ASPSCR1: variants seen among roughly 807,000 people sequenced by gnomAD.
The protein encoded by ASPSCR1 is ASPSCR1 tether for SLC2A4, UBX domain containing, also known as tether containing UBX domain for GLUT4.
A neutral mutation model predicts 68.9 loss-of-function variants in ASPSCR1; 55 were observed. The observed-to-expected ratio is 0.80, with a 90% CI of 0.64 to 1.00. The LOEUF is 1.00. Among genes scored for constraint, ASPSCR1 ranks in the 50% least tolerant of loss-of-function variants. ASPSCR1 has a pLI of 0.00. For missense variants in ASPSCR1, 765 were observed against 762.2 expected, an observed-to-expected ratio of 1.00 and a Z score of -0.04; for synonymous variants, 352 against 332.6, an observed-to-expected ratio of 1.06 and a Z score of -0.63.
intron 4 of ASPSCR1, among the ~76,000 whole-genome samples, chr17:81,988,275 A>G (rs1201793248): frequency 6.6e-6 from 1 of 152,048 alleles, no homozygotes; most frequent in Non-Finnish European, 1.5e-5. Context: ...AGCCTGGCCA[A>G]CATGGTGAAA....
At chr17:82,001,980 C>A (rs1387769777) in intron 7 of ASPSCR1, among the ~76,000 whole-genome samples, 1 of 139,976 alleles carries the variant, frequency 7.1e-6, no homozygotes, top group Non-Finnish European at 1.6e-5. Context: ...TCTTATTTTT[C>A]TTTTCTTTTT....
At chr17:82,016,600 G>T (rs773931593) in intron 13 of ASPSCR1, 73 bp downstream of exon 13, 2 of 1,537,470 alleles carry the variant, frequency 1.3e-6, no homozygotes, top group Non-Finnish European at 1.8e-6. Flanking sequence ...CAGCTGCCCG[G>T]GAGGGCGTTC....
rs912935330 is a variant in ASPSCR1, at chr17:81,990,441, C to T, written c.375-4380C>T. 3.3e-5 allele frequency among the ~76,000 whole-genome samples: 5 copies of T among 152,092 alleles called. No individual in the cohort carries two copies. The highest frequency in any genetic ancestry group is 1.2e-4 in the African/African-American group (5 of 41,398). Reference sequence around the variant, plus strand: ...CACAGAGGGGTGTGAACAGCCACGCCGAGCTCTGGGGGACACTGCTCTCCG... The same window carrying T: ...CACAGAGGGGTGTGAACAGCCACGCTGAGCTCTGGGGGACACTGCTCTCCG... On this transcript the variant is annotated intron_variant, in intron 4 of 15. Coordinates refer to ENST00000306739, the MANE Select transcript of ASPSCR1 (RefSeq NM_024083.4). The surrounding 1 kb of genome is among the most constrained non-coding windows in gnomAD (Gnocchi z 4.1).
At chr17:82,013,875 C>T (rs1418145442) in intron 12 of ASPSCR1, 1 of 152,320 alleles carries the variant, frequency 6.6e-6, no homozygotes, top group Non-Finnish European at 1.5e-5. Flanking sequence ...TGGCCCTGCC[C>T]TGGTGTCCTC....
At chr17:81,996,266 C>T (rs999527645) in intron 6 of ASPSCR1, among the ~76,000 whole-genome samples, 154 bp from the exon 7 acceptor site, 2 of 135,780 alleles carry the variant, frequency 1.5e-5, no homozygotes, top group Non-Finnish European at 3.2e-5. Context: ...CCCAGAGGGG[C>T]GGTGGATCTT....
At chr17:82,016,768 G>T in intron 13 of ASPSCR1, 32 bp from the exon 14 acceptor site, 1 of 1,599,760 alleles carries the variant, frequency 6.3e-7, no homozygotes, top group East Asian at 2.2e-5. Context: ...CCCCTCCTCA[G>T]AGGCTCAGGG....
At chr17:82,011,521 A>T (rs377346402) in intron 10 of ASPSCR1, 22 bp from the exon 11 acceptor site, 26 of 1,571,556 alleles carry the variant, frequency 1.7e-5, no homozygotes, top group Admixed American at 1.6e-4. Context: ...AGCTGTCTGT[A>T]TGTTCTTTTT....
At chr17:82,011,060 C>T (rs951894266) in intron 10 of ASPSCR1, among the ~76,000 whole-genome samples, 192 bp downstream of exon 10, 3 of 152,204 alleles carry the variant, frequency 2.0e-5, no homozygotes, top group African/African-American at 2.4e-5. Flanking sequence ...GCAGGCTGGG[C>T]GCTTGCTCCA....
At chr17:82,005,968 C>T (rs1018921910) in intron 7 of ASPSCR1, 2 of 152,362 alleles carry the variant, frequency 1.3e-5, no homozygotes, top group African/African-American at 4.8e-5. Flanking sequence ...GACAAGAGTC[C>T]TTCTCTCAGC....
rs554093405 is a variant in ASPSCR1 at position 82,010,353 on chromosome 17, C to T, written c.1171-449C>T. ...GACCATCCTGGCTGACACGGTGAAA[C>T]CCCATCTCTACTAAAAATACAAAAA... On this transcript the variant is annotated intron_variant, in intron 9 of 15. Coordinates refer to ENST00000306739, the MANE Select transcript of ASPSCR1 (RefSeq NM_024083.4). Among the ~76,000 whole-genome samples, 795 of 151,336 alleles carry T rather than the reference C, an allele frequency of 5.3e-3. 9 individuals are homozygous for T. The highest frequency in any genetic ancestry group is 0.035 in the Admixed American group (526 of 15,234).
At chr17:81,989,747 C>T (rs909745058) in intron 4 of ASPSCR1, among the ~76,000 whole-genome samples, 8 of 152,202 alleles carry the variant, frequency 5.3e-5, no homozygotes, top group South Asian at 2.1e-4. Context: ...GCCCGACCAG[C>T]GTCTCAAGCA....
intron 11 of ASPSCR1, 48 bp from the exon 12 acceptor site, chr17:82,012,183 G>T (rs1319059426): frequency 6.3e-7 from 1 of 1,583,740 alleles, no homozygotes; most frequent in Non-Finnish European, 8.7e-7. Context: ...CGCATGGATG[G>T]GCGAGGTCCA....
At chr17:82,006,211 GGT>G (rs55690610) in intron 7 of ASPSCR1, 70,428 of 146,490 alleles carry the variant, frequency 0.48, 17,751 homozygotes, top group Non-Finnish European at 0.58. Flanking sequence ...CATGTGCACA[GGT>G]GTGTGTGTGT....
chr17:81,994,192 G>A (rs1598404194), intron 4 of ASPSCR1, among the ~76,000 whole-genome samples: 2 of 152,336 alleles, frequency 1.3e-5, no homozygotes, highest in Admixed American at 1.3e-4. Context: ...CCCATGCACG[G>A]GTCCAGCTGT....
At chr17:82,003,771 C>T (rs2042614258) in intron 7 of ASPSCR1, among the ~76,000 whole-genome samples, 1 of 152,280 alleles carries the variant, frequency 6.6e-6, no homozygotes. Context: ...CGCGCCCACG[C>T]CCTGGCACAG....
At chr17:81,980,240 C>G (rs1254866922) in intron 2 of ASPSCR1, among the ~76,000 whole-genome samples, 1 of 152,234 alleles carries the variant, frequency 6.6e-6, no homozygotes, top group Non-Finnish European at 1.5e-5. Flanking sequence ...CTTGGCCTCC[C>G]AAAGTACTGG....
chr17:82,016,755 G>C, intron 13 of ASPSCR1, 45 bp from the exon 14 acceptor site: 1 of 1,586,314 alleles, frequency 6.3e-7, no homozygotes, highest in Non-Finnish European at 8.6e-7. Context: ...GATGGTGAGT[G>C]GACCCCTCCT....
chr17:82,010,030 C>T (rs1226172012), intron 9 of ASPSCR1: 3 of 339,486 alleles, frequency 8.8e-6, no homozygotes, highest in Non-Finnish European at 1.8e-5. Flanking sequence ...CTGCCTCAGC[C>T]TCCCAAGTAG....
rs1255917525 is a variant in ASPSCR1 at position 82,003,983 on chromosome 17, T to TGGGA, written c.934-5043_934-5040dup. 7.9e-5 allele frequency among the ~76,000 whole-genome samples: 12 copies of TGGGA among 152,228 alleles called. No individual in the cohort carries two copies. In the East Asian group the frequency reaches 2.1e-3, roughly 27 times the overall value. The stretch of plus-strand genomic sequence containing the variant: ...GGCGGGGCAGGCCGGGCCGAGACGG[T>TGGGA]GGGAGGGAGGGAGGCCGGGAGGGAA... On this transcript the variant is annotated intron_variant, in intron 7 of 15. Transcript: ENST00000306739.
Sources: allele counts gnomAD v4.1 joint callset (sites outside exome capture counted in the v4.1 genomes callset), GRCh38; gene constraint gnomAD v4.1.1; non-coding constraint Gnocchi (gnomAD v3.1); transcripts MANE v1.5; gene names NCBI Gene and HGNC (gene_info 2026-07-23, HGNC 2026-07-21).